The following CYRIA variants were observed in gnomAD, a reference collection of about 807,000 sequenced individuals.
The protein encoded by CYRIA is CYFIP-related Rac1 interactor A.
Under a neutral mutation model 43.9 loss-of-function variants are expected in CYRIA, and 15 were observed. The ratio of observed to expected loss-of-function variants is 0.34; its 90% CI spans 0.23 to 0.53. The LOEUF (loss-of-function observed/expected upper bound fraction) is 0.53. Among genes scored for constraint, CYRIA ranks in the 20% least tolerant of loss-of-function variants. The pLI is 0.94. For synonymous variants in CYRIA, 117 were observed against 136.0 expected (o/e 0.86, Z 0.97); for missense variants, 236 against 394.2 (o/e 0.60, Z 3.40).
intron 2 of CYRIA, among the ~76,000 whole-genome samples, chr2:16,613,902 G>A (rs1348132479): frequency 1.3e-5 from 2 of 152,138 alleles, no homozygotes; most frequent in African/African-American, 4.8e-5. Context: ...CCAGAAAACG[G>A]GGCTATGACA....
chr2:16,631,482 T>C (rs1669329263), intron 1 of CYRIA, among the ~76,000 whole-genome samples: 1 of 152,192 alleles, frequency 6.6e-6, no homozygotes, highest in Non-Finnish European at 1.5e-5. Context: ...TGTAGCTGGA[T>C]GGTAAGCTGA....
Position 16,552,940 on chromosome 2 carries a change from T to G in CYRIA, c.968A>C (p.Gln323Pro). 6.3e-7 allele frequency: 1 copy of G among 1,598,596 alleles called. No individual in the cohort carries two copies. The highest frequency in any genetic ancestry group is 8.6e-7 in the Non-Finnish European group (1 of 1,166,002). ...STSKQIRAML[Q>P] Reference sequence around the variant, plus strand: ...TCCTCTTCTTTGAGCAGAGCTCTACTGAAGCATTGCTCGAATCTGTTTGGA... The same window carrying G: ...TCCTCTTCTTTGAGCAGAGCTCTACGGAAGCATTGCTCGAATCTGTTTGGA... Residue 323 changes from glutamine to proline, a missense_variant, in exon 12 of 12, where the codon CAG (glutamine) becomes CCG (proline). Gln to Pro is a moderately conservative substitution (Grantham distance 76). This residue lies in a region of CYRIA where 40 missense variants were observed against 62.2 expected (regional missense o/e 0.64). Transcript: ENST00000381323.
Position 16,559,473 on chromosome 2 carries a change from G to A in CYRIA, c.824C>T (p.Thr275Ile). 1 of 1,612,764 alleles carries A rather than the reference G, an allele frequency of 6.2e-7. No homozygotes were observed. The highest frequency in any genetic ancestry group is 8.5e-7 in the Non-Finnish European group (1 of 1,179,300). ...AACTATTCTTACATCGATCTTGGAT[G>A]TCTTGCAGAAAGCTCCCACAGGGTG... is the stretch of plus-strand genomic sequence containing the variant. Reference protein sequence around the residue: ...HVHPVGAFCKTSKIDMKGCIK... With the variant: ...HVHPVGAFCKISKIDMKGCIK... The change falls in exon 10 of 12, where the codon ACA becomes ATA. Residue 275 changes from threonine to isoleucine, a missense_variant. Physicochemically the swap from Thr to Ile is moderately conservative, Grantham distance 89. Around this residue, in one of 3 missense-constraint regions of CYRIA, gnomAD observed 40 missense variants for 62.2 expected, o/e 0.64. Transcript: ENST00000381323.
intron 3 of CYRIA, among the ~76,000 whole-genome samples, chr2:16,581,161 G>T (rs1454874122): frequency 6.6e-6 from 1 of 151,974 alleles, no homozygotes; most frequent in Non-Finnish European, 1.5e-5. Context: ...AAAATAAGTA[G>T]GTAAGCCTAC....
chr2:16,629,276 T>C (rs563744667), intron 1 of CYRIA, among the ~76,000 whole-genome samples: 9 of 152,300 alleles, frequency 5.9e-5, no homozygotes, highest in Non-Finnish European at 1.2e-4. Context: ...AGCTCTAACC[T>C]GGTGAGAGAT....
intron 3 of CYRIA, among the ~76,000 whole-genome samples, chr2:16,567,477 G>C (rs180828165): frequency 1.9e-3 from 285 of 152,186 alleles, no homozygotes; most frequent in African/African-American, 6.8e-3. Flanking sequence ...AAGTGACGGC[G>C]AAGTGGGGCA....
At chr2:16,593,891 C>T (rs1292653385) in intron 2 of CYRIA, among the ~76,000 whole-genome samples, 1 of 139,414 alleles carries the variant, frequency 7.2e-6, no homozygotes, top group African/African-American at 2.7e-5. Context: ...CCCGACCCCA[C>T]CACAGTCCCC....
At chr2:16,581,897 G>A (rs1295505759) in intron 3 of CYRIA, among the ~76,000 whole-genome samples, 1 of 152,148 alleles carries the variant, frequency 6.6e-6, no homozygotes, top group African/African-American at 2.4e-5. Context: ...GTAATGACAT[G>A]GCTGGATGTC....
chr2:16,627,257 C>T (rs954566999), intron 1 of CYRIA, among the ~76,000 whole-genome samples: 2 of 146,434 alleles, frequency 1.4e-5, no homozygotes, highest in African/African-American at 2.6e-5. Context: ...AAGACTGTGT[C>T]CCCACCCTCC....
intron 1 of CYRIA, among the ~76,000 whole-genome samples, chr2:16,649,998 G>A (rs144997811): frequency 5.3e-5 from 8 of 152,206 alleles, no homozygotes; most frequent in African/African-American, 1.9e-4. Flanking sequence ...CACCTTGCTC[G>A]ATCGCTTCTG....
intron 1 of CYRIA, among the ~76,000 whole-genome samples, chr2:16,634,666 G>A (rs560014181): frequency 1.0e-5 from 1 of 96,212 alleles, no homozygotes; most frequent in East Asian, 2.0e-3. Context: ...AAGGGCATGT[G>A]TCTGGGGGGT....
intron 4 of CYRIA, 152 bp downstream of exon 4, chr2:16,565,494 T>G (rs1205228978): frequency 1.0e-6 from 1 of 957,044 alleles, no homozygotes; most frequent in Non-Finnish European, 1.4e-6. Context: ...CCCATGCATT[T>G]TGTTTTTAAG....
At chr2:16,632,341 T>G (rs923905114) in intron 1 of CYRIA, among the ~76,000 whole-genome samples, 3 of 152,204 alleles carry the variant, frequency 2.0e-5, no homozygotes, top group Non-Finnish European at 4.4e-5. Flanking sequence ...ATGAAGCCTC[T>G]TCTATAGAAT....
intron 1 of CYRIA, among the ~76,000 whole-genome samples, chr2:16,649,584 G>A (rs149922611): frequency 6.6e-6 from 1 of 152,164 alleles, no homozygotes; most frequent in African/African-American, 2.4e-5. Context: ...ATACAGTACA[G>A]TGGATGGTTG....
intron 2 of CYRIA, among the ~76,000 whole-genome samples, chr2:16,621,792 C>G (rs373784545): frequency 6.6e-6 from 1 of 152,334 alleles, no homozygotes; most frequent in Admixed American, 6.5e-5. Flanking sequence ...TCCCTCAACT[C>G]TCTAGCTCTC....
intron 2 of CYRIA, among the ~76,000 whole-genome samples, chr2:16,597,152 T>C (rs1305007252): frequency 1.0e-5 from 1 of 100,276 alleles, no homozygotes; most frequent in Non-Finnish European, 1.9e-5. Flanking sequence ...TACTTCCAAC[T>C]GTGTGGTCAA....
chr2:16,579,098 G>C (rs2103442679), intron 3 of CYRIA, among the ~76,000 whole-genome samples: 1 of 151,996 alleles, frequency 6.6e-6, no homozygotes, highest in East Asian at 1.9e-4. Flanking sequence ...GAAGACAATG[G>C]GATCACTTCT....
intron 2 of CYRIA, among the ~76,000 whole-genome samples, chr2:16,600,777 A>G (rs1668177495): frequency 6.6e-6 from 1 of 152,210 alleles, no homozygotes; most frequent in African/African-American, 2.4e-5. Context: ...GCTTTCACAC[A>G]CTTTATCTCA....
At chr2:16,637,839 G>C (rs1260944250) in intron 1 of CYRIA, among the ~76,000 whole-genome samples, 1 of 152,196 alleles carries the variant, frequency 6.6e-6, no homozygotes, top group Non-Finnish European at 1.5e-5. Flanking sequence ...CAAAGGTCCA[G>C]AGTGCTCAGG....
Sources: gnomAD v4.1 joint callset for allele counts (sites outside exome capture counted in the v4.1 genomes callset) on GRCh38, gnomAD v4.1.1 for gene constraint, gnomAD v4.1.1 regional missense constraint, MANE v1.5 for transcripts, NCBI Gene and HGNC (gene_info 2026-07-23, HGNC 2026-07-21) for gene names.